TBCD: variants seen among roughly 807,000 people sequenced by gnomAD.
TBCD encodes the protein tubulin folding cofactor D.
A neutral mutation model predicts 169.3 loss-of-function variants in TBCD; 105 were observed. The observed-to-expected ratio is 0.62, with a 90% confidence interval of 0.53 to 0.73. The LOEUF (loss-of-function observed/expected upper bound fraction) is 0.73. Ranked by LOEUF, TBCD falls within the 30% of genes least tolerant of loss-of-function variation. The pLI is 0.00. For missense variants in TBCD, 1,444 were observed against 1,600.1 expected (o/e 0.90, Z 1.66); for synonymous variants, 700 against 643.9 (o/e 1.09, Z -1.32).
rs1436875182 is a variant in TBCD at position 82,923,185 on chromosome 17, G to GA, written c.2179-462dup. 6.6e-6 allele frequency among the ~76,000 whole-genome samples: 1 copy of GA among 152,214 alleles called. No homozygotes were observed. The highest frequency in any genetic ancestry group is 1.9e-4 in the East Asian group (1 of 5,204). ...TTTCTTCATAACTATTTCTGGGAAA[G>GA]AAAAATATGCTCCATTTTATTATTG... On this transcript the variant is annotated intron_variant, in intron 25 of 38. Coordinates refer to ENST00000355528, the MANE Select transcript of TBCD (RefSeq NM_005993.5). This position sits in a 1 kb window ranked among gnomAD's most constrained non-coding sequence, Gnocchi z 4.6.
intron 33 of TBCD, 121 bp from the exon 34 acceptor site, chr17:82,932,537 C>G: frequency 1.3e-6 from 1 of 787,600 alleles, no homozygotes; most frequent in Non-Finnish European, 2.2e-6. Context: ...TTTGCGTTTC[C>G]ACGTAAATTA....
At chr17:82,863,475 G>C (rs1432756753) in intron 13 of TBCD, among the ~76,000 whole-genome samples, 1 of 152,212 alleles carries the variant, frequency 6.6e-6, no homozygotes, top group Non-Finnish European at 1.5e-5. Flanking sequence ...CAAATGATCT[G>C]TGTTCTTGGA....
chr17:82,830,729 C>T (rs766066825), intron 13 of TBCD: 10 of 1,613,744 alleles, frequency 6.2e-6, no homozygotes, highest in Non-Finnish European at 8.5e-6. Context: ...TACGTGGGTT[C>T]GTGGGTGGCT....
chr17:82,897,984 G>A (rs2059605595), intron 17 of TBCD, among the ~76,000 whole-genome samples: 1 of 149,954 alleles, frequency 6.7e-6, no homozygotes, highest in African/African-American at 2.5e-5. Flanking sequence ...CTCCCCGATG[G>A]TTTTCTGTTT....
At chr17:82,887,596 G>C (rs910413233) in intron 15 of TBCD, among the ~76,000 whole-genome samples, 1 of 152,214 alleles carries the variant, frequency 6.6e-6, no homozygotes, top group Non-Finnish European at 1.5e-5. Context: ...TCAGGTTTTC[G>C]TGTGAGTGTA....
At chr17:82,928,902 T>C (rs1414506540) in intron 30 of TBCD, among the ~76,000 whole-genome samples, 1 of 152,090 alleles carries the variant, frequency 6.6e-6, no homozygotes, top group African/African-American at 2.4e-5. Flanking sequence ...ACCTGTAGGG[T>C]TGGGCTCCTG....
At chr17:82,834,890 ATACAT>A (rs1598808955) in intron 13 of TBCD, among the ~76,000 whole-genome samples, 2 of 152,038 alleles carry the variant, frequency 1.3e-5, no homozygotes, top group South Asian at 2.1e-4. Flanking sequence ...TAAAAAAAAA[ATACAT>A]TAAAGTAAAG....
intron 13 of TBCD, among the ~76,000 whole-genome samples, chr17:82,844,516 G>GA (rs2054834757): frequency 6.6e-6 from 1 of 151,908 alleles, no homozygotes; most frequent in African/African-American, 2.4e-5. Context: ...GCTTTTTAGG[G>GA]ACCTGTCCTG....
chr17:82,831,676 A>C lies in TBCD; in HGVS notation c.1318+16742A>C. 6.2e-7 allele frequency: 1 copy of C among 1,614,166 alleles called. No individual in the cohort carries two copies. Among genetic ancestry groups the C allele is most frequent in the East Asian group, 2.2e-5 (1 of 44,884 alleles). On this transcript the variant is annotated intron_variant, in intron 13 of 38. Coordinates refer to ENST00000355528, the MANE Select transcript of TBCD (RefSeq NM_005993.5). This position sits in a 1 kb window ranked among gnomAD's most constrained non-coding sequence, Gnocchi z 4.6. ...ACACTCAGGCGAGCTCCCAGCCAGC[A>C]GGTAAGGCGAGTAGATGGTGGCCAG... is the stretch of plus-strand genomic sequence containing the variant.
intron 13 of TBCD, among the ~76,000 whole-genome samples, chr17:82,869,785 C>G (rs1213925927): frequency 6.7e-6 from 1 of 149,460 alleles, no homozygotes; most frequent in African/African-American, 2.6e-5. Context: ...GTGTCCACGA[C>G]AGTACAATTC....
chr17:82,791,186 G>A (rs2049701527), intron 7 of TBCD, among the ~76,000 whole-genome samples: 1 of 150,328 alleles, frequency 6.7e-6, no homozygotes, highest in Non-Finnish European at 1.5e-5. Context: ...CCGCCTCCCG[G>A]GTTCACGCCA....
intron 13 of TBCD, among the ~76,000 whole-genome samples, chr17:82,845,036 G>A (rs145786695): frequency 0.012 from 1,822 of 152,210 alleles, 19 homozygotes; most frequent in Non-Finnish European, 0.02. Context: ...ACCTGGGGTG[G>A]TGGCTGCTCT....
chr17:82,845,239 C>T (rs1054839716), intron 13 of TBCD, among the ~76,000 whole-genome samples: 2 of 152,202 alleles, frequency 1.3e-5, no homozygotes, highest in South Asian at 4.1e-4. Context: ...CCTTCCTCTC[C>T]ATCCTGTCCA....
chr17:82,943,081 G>C lies in TBCD; in HGVS notation c.*618G>C, dbSNP rs2063444709. 2 of 153,138 alleles carry C rather than the reference G, an allele frequency of 1.3e-5. No homozygotes were observed. The highest frequency in any genetic ancestry group is 1.3e-4 in the Admixed American group (2 of 15,346). The allele number at this position is 153,138 out of a possible 1,614,324, so 9.5% of individuals were successfully genotyped here. On this transcript the variant is annotated 3_prime_UTR_variant, in exon 39 of 39. Coordinates refer to ENST00000355528, the MANE Select transcript of TBCD (RefSeq NM_005993.5). The stretch of plus-strand genomic sequence containing the variant: ...GCAGTGCAGGAGTCACTGATTGATG[G>C]GTGTGCCGACCAGCAGCTTCACAAA...
rs2049037683 is a variant in TBCD, at chr17:82,782,819, G to GTCCTGTCTGCGGTGGCGTCC, written c.771+1106_771+1125dup. ...GCGTCGTCCTGTCTGCGGTGGCGTC[G>GTCCTGTCTGCGGTGGCGTCC]TCCTGTCTGCGGTGGCGTCCTCCTG... On this transcript the variant is annotated intron_variant, in intron 7 of 38. Transcript: ENST00000355528. The surrounding 1 kb of genome is among the most constrained non-coding windows in gnomAD (Gnocchi z 5.1). Among the ~76,000 whole-genome samples, 7 of 149,276 alleles carry GTCCTGTCTGCGGTGGCGTCC rather than the reference G, an allele frequency of 4.7e-5. No individual in the cohort carries two copies. Among genetic ancestry groups the GTCCTGTCTGCGGTGGCGTCC allele is most frequent in the Admixed American group, 4.6e-4 (7 of 15,076 alleles).
At position 82,905,928 on chromosome 17, in the gene TBCD, T is replaced by C. The variant is rs2060220367; in HGVS notation, c.1805-8T>C. On this transcript the variant is annotated splice_polypyrimidine_tract_variant and splice_region_variant and intron_variant, in intron 19 of 38. Coordinates refer to ENST00000355528, the MANE Select transcript of TBCD (RefSeq NM_005993.5). ...CCTCACCTGCCCTCTCGGCCCTGTC[T>C]CTTGCAGTCTTCCCGAGGCTGCTGT... 6.2e-7 allele frequency: 1 copy of C among 1,606,308 alleles called. No individual in the cohort carries two copies. The highest frequency in any genetic ancestry group is 8.5e-7 in the Non-Finnish European group (1 of 1,175,692).
rs369853961 is a variant in TBCD at position 82,923,681 on chromosome 17, A to T, written c.2208A>T (p.Leu736=). The change falls in exon 26 of 39, where the codon CTA becomes CTT. Residue 736 remains leucine, a synonymous_variant. Coordinates refer to ENST00000355528, the MANE Select transcript of TBCD (RefSeq NM_005993.5). The surrounding 1 kb of genome is among the most constrained non-coding windows in gnomAD (Gnocchi z 4.6). ...CAGCAGTCTCGGCCCTGGCTGCTCTATGCAGTGAATATTACATGAAGGAGC... is the reference window on the plus strand; with the variant it reads ...CAGCAGTCTCGGCCCTGGCTGCTCTTTGCAGTGAATATTACATGAAGGAGC... ...KDAAVSALAA[L]CSEYYMKEPG... 3 of 1,594,646 alleles carry T rather than the reference A, an allele frequency of 1.9e-6. No homozygotes were observed. The highest frequency in any genetic ancestry group is 1.7e-6 in the Non-Finnish European group (2 of 1,170,526).
At chr17:82,845,354 C>T (rs2054932830) in intron 13 of TBCD, among the ~76,000 whole-genome samples, 1 of 150,934 alleles carries the variant, frequency 6.6e-6, no homozygotes, top group Non-Finnish European at 1.5e-5. Context: ...TGGCCCCTTC[C>T]TCTCTGTCCA....
rs888219711 is a variant in TBCD at position 82,927,064 on chromosome 17, C to T, written c.2472-122C>T. 8.7e-6 allele frequency: 12 copies of T among 1,384,732 alleles called. No individual in the cohort carries two copies. In the Admixed American group the frequency reaches 1.1e-4, roughly 13 times the overall value. 85.8% of individuals were successfully genotyped at this position (1,384,732 alleles called of 1,614,324 possible). ...AGGAGCTCTGTGTTTCTGATCTACC[C>T]GAGGGTCCTGGACTGTTCTGAGCGT... On this transcript the variant is annotated intron_variant, in intron 28 of 38. Coordinates refer to ENST00000355528, the MANE Select transcript of TBCD (RefSeq NM_005993.5).
Sources: gnomAD v4.1 joint callset for allele counts (sites outside exome capture counted in the v4.1 genomes callset) on GRCh38, gnomAD v4.1.1 for gene constraint, Gnocchi (gnomAD v3.1) non-coding constraint, MANE v1.5 for transcripts, NCBI Gene and HGNC (gene_info 2026-07-23, HGNC 2026-07-21) for gene names.